COL4A6: variants seen among roughly 807,000 people sequenced by gnomAD.
COL4A6 encodes the protein collagen alpha-6(IV) chain.
COL4A6 carries 59 observed loss-of-function variants against 126.7 expected under a neutral mutation model. The ratio of observed to expected loss-of-function variants is 0.47; its 90% CI spans 0.38 to 0.58. The LOEUF is 0.58. Among genes scored for constraint, COL4A6 ranks in the 20% least tolerant of loss-of-function variants. COL4A6 has a pLI of 0.00. For synonymous variants in COL4A6, 547 were observed against 496.6 expected (o/e 1.10, Z -1.35); for missense variants, 1,285 against 1,337.3 (o/e 0.96, Z 0.61).
At chrX:108,256,114 C>T (rs1011175912) in intron 3 of COL4A6, among the ~76,000 whole-genome samples, 1 of 111,777 alleles carries the variant, frequency 8.9e-6, no homozygotes, top group Middle Eastern at 4.2e-3. Flanking sequence ...ACAAACCACA[C>T]GGGTAAATCT....
chrX:108,339,687 G>A (rs1219537467), intron 2 of COL4A6, among the ~76,000 whole-genome samples: 2 of 111,243 alleles, frequency 1.8e-5, no homozygotes, highest in Non-Finnish European at 3.8e-5. Flanking sequence ...AAAGCCCAGA[G>A]CACAGACTTC....
rs143055152 is a variant in COL4A6, at chrX:108,257,747, G to A, written c.145-36373C>T. Among the ~76,000 whole-genome samples, 707 of 110,899 alleles carry A rather than the reference G, an allele frequency of 6.4e-3. 4 individuals are homozygous for A. The highest frequency in any genetic ancestry group is 0.022 in the African/African-American group (671 of 30,553). ...CTCTTGCATATTTAATACGATCTTG[G>A]AAGCTGCTCTACAGAGGTACCAAAC... On this transcript the variant is annotated intron_variant, in intron 3 of 44. Coordinates refer to ENST00000334504, the MANE Select transcript of COL4A6 (RefSeq NM_033641.4).
At chrX:108,383,193 C>T (rs2040602231) in intron 2 of COL4A6, among the ~76,000 whole-genome samples, 1 of 110,162 alleles carries the variant, frequency 9.1e-6, no homozygotes, top group Non-Finnish European at 1.9e-5. Context: ...GACCCAACTA[C>T]AGAGTTATAA....
chrX:108,206,805 T>C (rs1308654344), intron 8 of COL4A6: 1 of 493,871 alleles, frequency 2.0e-6, no homozygotes, highest in African/African-American at 2.3e-5. Flanking sequence ...TACTGATATA[T>C]GAAACAATGT....
chrX:108,345,891 A>G (rs780712350), intron 2 of COL4A6, among the ~76,000 whole-genome samples: 77 of 111,971 alleles, frequency 6.9e-4, no homozygotes, highest in Non-Finnish European at 2.4e-4. Flanking sequence ...ACCACTGCAG[A>G]TAAATTAAAT....
At chrX:108,288,885 T>G in intron 3 of COL4A6, among the ~76,000 whole-genome samples, 1 of 111,617 alleles carries the variant, frequency 9.0e-6, no homozygotes, top group Non-Finnish European at 1.9e-5. Context: ...CCTCCTGATG[T>G]GAGACACTGA....
intron 2 of COL4A6, among the ~76,000 whole-genome samples, chrX:108,428,233 G>A (rs936268320): frequency 1.8e-5 from 2 of 111,954 alleles, no homozygotes; most frequent in African/African-American, 3.2e-5. Flanking sequence ...GTGTTAGGCC[G>A]CATTCAAAGC....
At chrX:108,313,969 A>G (rs2038823123) in intron 2 of COL4A6, among the ~76,000 whole-genome samples, 1 of 112,081 alleles carries the variant, frequency 8.9e-6, no homozygotes. Flanking sequence ...AGGAAGTACA[A>G]TCTTCCCTTT....
intron 3 of COL4A6, among the ~76,000 whole-genome samples, chrX:108,304,399 A>G (rs181061299): frequency 9.0e-6 from 1 of 111,472 alleles, no homozygotes; most frequent in East Asian, 2.8e-4. Context: ...TAAATATACA[A>G]AGACCCCTGA....
intron 42 of COL4A6, 39 bp downstream of exon 42, chrX:108,161,580 T>TCCCCCC: frequency 1.9e-5 from 12 of 644,847 alleles, no homozygotes; most frequent in South Asian, 2.8e-5. Context: ...CAGACCACCA[T>TCCCCCC]CCCCGCCCCG....
rs1360635075 is a variant in COL4A6, at chrX:108,175,645, C to T, written c.2830+9G>A. ...GGCAGCAGTTCCAGAATTCAATTCC[C>T]CAGCTCACCCTTTTCACCAGGAGTA... On this transcript the variant is annotated intron_variant, in intron 29 of 44. Coordinates refer to ENST00000334504, the MANE Select transcript of COL4A6 (RefSeq NM_033641.4). 1.3e-5 allele frequency: 16 copies of T among 1,186,957 alleles called. No individual in the cohort carries two copies. In the African/African-American group the frequency reaches 2.5e-4, roughly 19 times the overall value.
chrX:108,374,691 T>C (rs182854775), intron 2 of COL4A6, among the ~76,000 whole-genome samples: 12 of 112,254 alleles, frequency 1.1e-4, no homozygotes, highest in East Asian at 2.8e-4. Context: ...GAAAAAGAGT[T>C]AGAATCTACC....
chrX:108,403,194 G>A (rs2041127338), intron 2 of COL4A6, among the ~76,000 whole-genome samples: 1 of 103,921 alleles, frequency 9.6e-6, no homozygotes, highest in African/African-American at 3.5e-5. Context: ...TCTTGATGGT[G>A]TCCTAAAGTT....
chrX:108,320,011 G>A (rs1045897553), intron 2 of COL4A6, among the ~76,000 whole-genome samples: 2 of 111,662 alleles, frequency 1.8e-5, no homozygotes, highest in Non-Finnish European at 3.8e-5. Flanking sequence ...AGTGACAGGT[G>A]GGAAGGCAGA....
intron 3 of COL4A6, among the ~76,000 whole-genome samples, chrX:108,266,531 G>A (rs939773512): frequency 3.6e-5 from 4 of 111,166 alleles, no homozygotes; most frequent in African/African-American, 6.5e-5. Flanking sequence ...ATTTCAAAAC[G>A]TGTACTTGGG....
At chrX:108,229,519 A>AAATT (rs1454533757) in intron 3 of COL4A6, among the ~76,000 whole-genome samples, 1 of 111,838 alleles carries the variant, frequency 8.9e-6, no homozygotes, top group Non-Finnish European at 1.9e-5. Context: ...CTGGGTCTAA[A>AAATT]AATCTGCATT....
Position 108,277,872 on chromosome X carries a change from A to G in COL4A6, c.144+32876T>C, listed in dbSNP as rs757961325. Reference sequence around the variant, plus strand: ...TCTGCAGCCACCGCTGCTGGTACCCAGGCAAGCAGTGTCTGGAGTAGACCT... The same window carrying G: ...TCTGCAGCCACCGCTGCTGGTACCCGGGCAAGCAGTGTCTGGAGTAGACCT... On this transcript the variant is annotated intron_variant, in intron 3 of 44. Coordinates refer to ENST00000334504, the MANE Select transcript of COL4A6 (RefSeq NM_033641.4). Among the ~76,000 whole-genome samples, 4 of 112,367 alleles carry G rather than the reference A, an allele frequency of 3.6e-5. No individual in the cohort carries two copies. In the South Asian group the frequency reaches 1.5e-3, roughly 42 times the overall value.
intron 3 of COL4A6, among the ~76,000 whole-genome samples, chrX:108,264,967 T>A (rs1368750349): frequency 8.9e-6 from 1 of 111,978 alleles, no homozygotes; most frequent in East Asian, 2.8e-4. Flanking sequence ...CTGAGCAAAT[T>A]ACTTAACCTC....
rs2033715669 is a variant in COL4A6 at position 108,155,785 on chromosome X, A to G, written c.*1215T>C. On this transcript the variant is annotated 3_prime_UTR_variant, in exon 45 of 45. Coordinates refer to ENST00000334504, the MANE Select transcript of COL4A6 (RefSeq NM_033641.4). Reference sequence around the variant, plus strand: ...ACCTGGAAGGAACTGCCTCATGTCAACATAGCTAAGAGTGTTCTGGAAAAC... The same window carrying G: ...ACCTGGAAGGAACTGCCTCATGTCAGCATAGCTAAGAGTGTTCTGGAAAAC... 8.9e-6 allele frequency: 1 copy of G among 111,813 alleles called. No individual in the cohort carries two copies. Among genetic ancestry groups the G allele is most frequent in the Non-Finnish European group, 1.9e-5 (1 of 53,278 alleles). The allele number at this position is 111,813 out of a possible 1,213,427, so 9.2% of individuals were successfully genotyped here.
Sources: allele counts gnomAD v4.1 joint callset (sites outside exome capture counted in the v4.1 genomes callset), GRCh38; gene constraint gnomAD v4.1.1; transcripts MANE v1.5; gene names NCBI Gene and HGNC (gene_info 2026-07-23, HGNC 2026-07-21).